Variants in PPP1R9A observed in about 807,000 individuals in gnomAD.
PPP1R9A encodes protein phosphatase 1 regulatory subunit 9A.
Under a neutral mutation model 141.9 loss-of-function variants are expected in PPP1R9A, and 59 were observed. That is an observed-to-expected ratio of 0.42 (90% CI 0.34 to 0.52). The LOEUF is 0.52. Ranked by LOEUF, PPP1R9A falls within the 20% of genes least tolerant of loss-of-function variation. PPP1R9A has a pLI of 0.10. For missense variants in PPP1R9A, 1,444 were observed against 1,611.9 expected, an observed-to-expected ratio of 0.90 and a Z score of 1.78; for synonymous variants, 500 against 569.7, an observed-to-expected ratio of 0.88 and a Z score of 1.74.
intron 8 of PPP1R9A, among the ~76,000 whole-genome samples, chr7:95,243,116 A>G (rs1797681499): frequency 6.6e-6 from 1 of 152,118 alleles, no homozygotes; most frequent in Non-Finnish European, 1.5e-5. Context: ...TGAAATGGAG[A>G]TAACTTGGGT....
At chr7:95,216,299 G>A (rs1398307724) in intron 7 of PPP1R9A, among the ~76,000 whole-genome samples, 1 of 152,064 alleles carries the variant, frequency 6.6e-6, no homozygotes, top group Non-Finnish European at 1.5e-5. Flanking sequence ...TATTTCTGAG[G>A]GCTCTGTTCT....
chr7:95,117,533 C>T (rs1821739959), intron 3 of PPP1R9A, among the ~76,000 whole-genome samples: 1 of 151,948 alleles, frequency 6.6e-6, no homozygotes, highest in East Asian at 1.9e-4. Context: ...GAGTAATTTT[C>T]CAGTTAAAAG....
At chr7:94,998,614 G>A (rs1802480751) in intron 2 of PPP1R9A, among the ~76,000 whole-genome samples, 1 of 152,110 alleles carries the variant, frequency 6.6e-6, no homozygotes, top group South Asian at 2.1e-4. Flanking sequence ...GGGCTCTGTT[G>A]TAACTTCTAG....
At chr7:94,913,396 T>G (rs1222879951) in intron 2 of PPP1R9A, among the ~76,000 whole-genome samples, 1 of 152,174 alleles carries the variant, frequency 6.6e-6, no homozygotes, top group Non-Finnish European at 1.5e-5. Flanking sequence ...TAATGACAAT[T>G]TTATCTAGCA....
At chr7:95,161,477 G>T (rs964533354) in intron 4 of PPP1R9A, among the ~76,000 whole-genome samples, 7 of 152,212 alleles carry the variant, frequency 4.6e-5, no homozygotes, top group African/African-American at 1.7e-4. Flanking sequence ...ACCAAAATCT[G>T]CCGATGCTCA....
chr7:95,006,975 G>C (rs1188698813), intron 2 of PPP1R9A, among the ~76,000 whole-genome samples: 3 of 151,934 alleles, frequency 2.0e-5, no homozygotes, highest in African/African-American at 7.3e-5. Context: ...CAGGTCTCCT[G>C]CCTCAGCCTC....
At chr7:95,213,395 A>ACTGTAATCT (rs1792569973) in intron 7 of PPP1R9A, among the ~76,000 whole-genome samples, 1 of 146,200 alleles carries the variant, frequency 6.8e-6, no homozygotes, top group African/African-American at 2.6e-5. Context: ...ATCTTGGCTG[A>ACTGTAATCT]CTGCAATCTC....
At chr7:94,970,843 G>T (rs1192557939) in intron 2 of PPP1R9A, among the ~76,000 whole-genome samples, 1 of 151,982 alleles carries the variant, frequency 6.6e-6, no homozygotes, top group Non-Finnish European at 1.5e-5. Flanking sequence ...ACATAAGGAA[G>T]CATCCTTGAG....
chr7:95,267,525 T>C (rs80056489), intron 12 of PPP1R9A, among the ~76,000 whole-genome samples: 9,049 of 152,170 alleles, frequency 0.059, 358 homozygotes, highest in Non-Finnish European at 0.091. Context: ...GGTATGTTAA[T>C]GGGTACCTTT....
At chr7:95,002,342 G>A (rs546912307) in intron 2 of PPP1R9A, among the ~76,000 whole-genome samples, 18 of 152,238 alleles carry the variant, frequency 1.2e-4, no homozygotes, top group African/African-American at 4.1e-4. Context: ...GGAGGAGTCA[G>A]GATCATGAAC....
chr7:95,167,378 G>A (rs550168981), intron 5 of PPP1R9A, among the ~76,000 whole-genome samples: 4 of 152,246 alleles, frequency 2.6e-5, no homozygotes, highest in Admixed American at 2.6e-4. Flanking sequence ...TGGGGACACA[G>A]CCAAACCATA....
intron 2 of PPP1R9A, among the ~76,000 whole-genome samples, chr7:94,950,085 T>A (rs1053357241): frequency 1.3e-5 from 2 of 152,056 alleles, no homozygotes; most frequent in Admixed American, 1.3e-4. Context: ...AAGAATAAGT[T>A]AGGATTTTAT....
At chr7:94,981,548 T>A (rs1023793392) in intron 2 of PPP1R9A, among the ~76,000 whole-genome samples, 4 of 152,118 alleles carry the variant, frequency 2.6e-5, no homozygotes, top group African/African-American at 9.6e-5. Flanking sequence ...ACGTTTTTTT[T>A]AAAAAAAACT....
At chr7:95,210,698 G>T (rs148788979) in intron 7 of PPP1R9A, among the ~76,000 whole-genome samples, 1 of 152,108 alleles carries the variant, frequency 6.6e-6, no homozygotes, top group African/African-American at 2.4e-5. Flanking sequence ...ACATGCACAC[G>T]TATGTTTATT....
chr7:95,264,362 G>A (rs1219715833), intron 12 of PPP1R9A, among the ~76,000 whole-genome samples: 4 of 152,124 alleles, frequency 2.6e-5, no homozygotes, highest in Non-Finnish European at 2.9e-5. Context: ...TTGTTATGCT[G>A]CTCCATTCCC....
chr7:94,938,529 C>T (rs1795007687), intron 2 of PPP1R9A, among the ~76,000 whole-genome samples: 1 of 151,798 alleles, frequency 6.6e-6, no homozygotes, highest in South Asian at 2.1e-4. Flanking sequence ...CCTAATTTAC[C>T]AGTGTTAATC....
At chr7:95,129,373 C>T (rs935735904) in intron 4 of PPP1R9A, among the ~76,000 whole-genome samples, 2 of 152,270 alleles carry the variant, frequency 1.3e-5, no homozygotes, top group South Asian at 2.1e-4. Flanking sequence ...TCTTGTCTGC[C>T]GCCATGTGAG....
chr7:95,110,232 C>T (rs1434007845), intron 2 of PPP1R9A, among the ~76,000 whole-genome samples: 1 of 152,080 alleles, frequency 6.6e-6, no homozygotes, highest in African/African-American at 2.4e-5. Flanking sequence ...GTAAAGTGTC[C>T]ATAGAACAGC....
intron 2 of PPP1R9A, among the ~76,000 whole-genome samples, chr7:94,929,872 T>C (rs1016555149): frequency 6.6e-6 from 1 of 152,098 alleles, no homozygotes; most frequent in Non-Finnish European, 1.5e-5. Context: ...AGGCAGAAGA[T>C]GATAAGAGGT....
Sources: gnomAD v4.1 joint callset for allele counts (sites outside exome capture counted in the v4.1 genomes callset) on GRCh38, gnomAD v4.1.1 for gene constraint, MANE v1.5 for transcripts, NCBI Gene and HGNC (gene_info 2026-07-23, HGNC 2026-07-21) for gene names.